Variants in COL23A1 observed in about 807,000 individuals in gnomAD.
COL23A1 encodes collagen alpha-1(XXIII) chain.
In COL23A1, 97 loss-of-function variants were observed where a neutral mutation model predicts 99.3. The observed-to-expected ratio is 0.98, with a 90% CI of 0.83 to 1.16. COL23A1 has a LOEUF of 1.16. Among genes scored for constraint, COL23A1 ranks in the 50% most tolerant of loss-of-function variants. COL23A1 has a pLI of 0.00. For synonymous variants in COL23A1, 320 were observed against 308.2 expected (o/e 1.04, Z -0.40); for missense variants, 762 against 757.4 (o/e 1.01, Z -0.07).
At chr5:178,436,140 A>C (rs1766548784) in intron 2 of COL23A1, among the ~76,000 whole-genome samples, 1 of 152,194 alleles carries the variant, frequency 6.6e-6, no homozygotes, top group Non-Finnish European at 1.5e-5. Flanking sequence ...GAGGGAGGTC[A>C]ACATGAGCAA....
intron 2 of COL23A1, among the ~76,000 whole-genome samples, chr5:178,380,466 C>G (rs1309239423): frequency 6.6e-6 from 1 of 151,310 alleles, no homozygotes; most frequent in African/African-American, 2.4e-5. Context: ...TATTTTCTTT[C>G]TTTTTCTGCT....
At chr5:178,290,489 C>T in intron 3 of COL23A1, 120 bp from the exon 4 acceptor site, 1 of 1,296,982 alleles carries the variant, frequency 7.7e-7, no homozygotes. Context: ...CCCCGGAAGG[C>T]TTTGATGCTG....
At chr5:178,362,851 G>A (rs1047356066) in intron 2 of COL23A1, among the ~76,000 whole-genome samples, 2 of 151,454 alleles carry the variant, frequency 1.3e-5, no homozygotes, top group African/African-American at 2.4e-5. Flanking sequence ...CCAGCAGCCC[G>A]ACCCACCCTA....
chr5:178,483,107 TTTTATG>T (rs1292617069), intron 2 of COL23A1, among the ~76,000 whole-genome samples: 1 of 152,088 alleles, frequency 6.6e-6, no homozygotes, highest in East Asian at 1.9e-4. Flanking sequence ...AAATGTCATA[TTTTATG>T]TTATGTACAT....
chr5:178,451,200 CT>C (rs1302184741), intron 2 of COL23A1, among the ~76,000 whole-genome samples: 3 of 152,150 alleles, frequency 2.0e-5, no homozygotes, highest in Non-Finnish European at 1.5e-5. Flanking sequence ...ACAAAACCCC[CT>C]AGAGGAGAAA....
chr5:178,516,149 C>G (rs1451513297), intron 2 of COL23A1, among the ~76,000 whole-genome samples: 2 of 152,220 alleles, frequency 1.3e-5, no homozygotes, highest in African/African-American at 4.8e-5. Flanking sequence ...ACCACCCTAC[C>G]CCTCTTCCCG....
rs141540849 is a variant in COL23A1, at chr5:178,425,422, AAAATAAATAAATAAATAAAT to A, written c.362-118523_362-118504del. On this transcript the variant is annotated intron_variant, in intron 2 of 28. Transcript: ENST00000390654. Reference sequence around the variant, plus strand: ...GGGCAACAGAGCAAGACTCCATCTCAAAATAAATAAATAAATAAATAAATAAATAAATAAATAAATAAATA... The same window carrying A: ...GGGCAACAGAGCAAGACTCCATCTCAAAATAAATAAATAAATAAATAAATA... Among the ~76,000 whole-genome samples, 587 of 143,006 alleles carry A rather than the reference AAAATAAATAAATAAATAAAT, an allele frequency of 4.1e-3. 1 individual carries two copies. Among genetic ancestry groups the A allele is most frequent in the South Asian group, 0.01 (47 of 4,536 alleles). The allele number at this position is 143,006 out of a possible 152,430, so 93.8% of individuals were successfully genotyped here.
At chr5:178,581,378 C>T (rs910853403) in intron 1 of COL23A1, among the ~76,000 whole-genome samples, 6 of 151,988 alleles carry the variant, frequency 3.9e-5, no homozygotes, top group African/African-American at 1.4e-4. Flanking sequence ...CCATCCTGGC[C>T]AACATGGTGA....
chr5:178,516,154 T>C lies in COL23A1; in HGVS notation c.361+44528A>G, dbSNP rs527436940. ...CCTCATTTCCACCACCCTACCCCTC[T>C]TCCCGTGCTTCAGGGCCTCCCAGCC... is the stretch of plus-strand genomic sequence containing the variant. On this transcript the variant is annotated intron_variant, in intron 2 of 28. Coordinates refer to ENST00000390654, the MANE Select transcript of COL23A1 (RefSeq NM_173465.4). 9.2e-5 allele frequency among the ~76,000 whole-genome samples: 14 copies of C among 152,222 alleles called. 1 individual carries two copies. In the South Asian group the frequency reaches 2.9e-3, roughly 32 times the overall value.
In COL23A1 at chr5:178,366,138, C is replaced by T. The variant is rs771796177; in HGVS notation, c.362-59219G>A. On this transcript the variant is annotated intron_variant, in intron 2 of 28. Coordinates refer to ENST00000390654, the MANE Select transcript of COL23A1 (RefSeq NM_173465.4). This position sits in a 1 kb window ranked among gnomAD's most constrained non-coding sequence, Gnocchi z 4.4. Reference sequence around the variant, plus strand: ...ATCTGTTAAAGCTCCATCTACCCTACGAGGAGGCGAGTCCCCAAGGGCAGG... The same window carrying T: ...ATCTGTTAAAGCTCCATCTACCCTATGAGGAGGCGAGTCCCCAAGGGCAGG... Among the ~76,000 whole-genome samples the T allele has an allele frequency of 4.6e-5, 7 of 152,222 alleles. No individual in the cohort carries two copies. Among genetic ancestry groups the T allele is most frequent in the Non-Finnish European group, 7.3e-5 (5 of 68,038 alleles).
chr5:178,307,327 G>A lies in COL23A1; in HGVS notation c.362-408C>T, dbSNP rs1393865128. Among the ~76,000 whole-genome samples, 1 of 152,210 alleles carries A rather than the reference G, an allele frequency of 6.6e-6. No individual in the cohort carries two copies. The highest frequency in any genetic ancestry group is 2.4e-5 in the African/African-American group (1 of 41,450). ...TCTTAGGAAAGCCCTGACAAACGCT[G>A]CTTCATATTCACTAAAGTAAAACAA... On this transcript the variant is annotated intron_variant, in intron 2 of 28. Coordinates refer to ENST00000390654, the MANE Select transcript of COL23A1 (RefSeq NM_173465.4). The surrounding 1 kb of genome is among the most constrained non-coding windows in gnomAD (Gnocchi z 4.2).
At chr5:178,581,520 C>T (rs919716212) in intron 1 of COL23A1, among the ~76,000 whole-genome samples, 1 of 149,796 alleles carries the variant, frequency 6.7e-6, no homozygotes, top group African/African-American at 2.5e-5. Context: ...GAGCCAAGAT[C>T]ATGCCACTGC....
In COL23A1 at chr5:178,256,758, C is replaced by T; in HGVS notation, c.837+108G>A. ...AGGGAGACCCCTGGGTCAGGCCCTCCTGGGACTTAAAAGGGCAAATGAGAG... is the reference window on the plus strand; with the variant it reads ...AGGGAGACCCCTGGGTCAGGCCCTCTTGGGACTTAAAAGGGCAAATGAGAG... On this transcript the variant is annotated intron_variant, in intron 14 of 28. Coordinates refer to ENST00000390654, the MANE Select transcript of COL23A1 (RefSeq NM_173465.4). 4 of 1,128,366 alleles carry T rather than the reference C, an allele frequency of 3.5e-6. No individual in the cohort carries two copies. The East Asian group carries it at 1.0e-4, about 29-fold the overall frequency. The allele number at this position is 1,128,366 out of a possible 1,614,324, so 69.9% of individuals were successfully genotyped here.
intron 2 of COL23A1, among the ~76,000 whole-genome samples, chr5:178,528,637 C>T (rs1760458899): frequency 6.6e-6 from 1 of 152,224 alleles, no homozygotes; most frequent in Non-Finnish European, 1.5e-5. Flanking sequence ...ATGGAGAAAC[C>T]CCATCTCTAC....
intron 8 of COL23A1, among the ~76,000 whole-genome samples, chr5:178,264,792 G>GATT (rs1554128134): frequency 2.6e-5 from 4 of 152,074 alleles, no homozygotes; most frequent in South Asian, 4.1e-4. Flanking sequence ...GAGTAGGTGG[G>GATT]ATTATTATTA....
At chr5:178,524,889 C>A (rs1287361485) in intron 2 of COL23A1, among the ~76,000 whole-genome samples, 1 of 152,258 alleles carries the variant, frequency 6.6e-6, no homozygotes, top group African/African-American at 2.4e-5. Flanking sequence ...CAACAGCTGT[C>A]TGGGAGCCCA....
intron 5 of COL23A1, among the ~76,000 whole-genome samples, chr5:178,277,906 G>C (rs891215088): frequency 6.6e-6 from 1 of 152,206 alleles, no homozygotes. Context: ...TGACCCCCGT[G>C]GGGTGAGGGA....
At chr5:178,345,579 C>T (rs1400063657) in intron 2 of COL23A1, among the ~76,000 whole-genome samples, 2 of 151,658 alleles carry the variant, frequency 1.3e-5, no homozygotes, top group African/African-American at 4.8e-5. Context: ...TGCAGTGGCG[C>T]GATCTCGACT....
chr5:178,528,535 C>T (rs1301302590), intron 2 of COL23A1, among the ~76,000 whole-genome samples: 1 of 152,258 alleles, frequency 6.6e-6, no homozygotes, highest in East Asian at 1.9e-4. Flanking sequence ...GAGTCAAGGC[C>T]GGGCGCAGTG....
Sources: gnomAD v4.1 joint callset for allele counts (sites outside exome capture counted in the v4.1 genomes callset) on GRCh38, gnomAD v4.1.1 for gene constraint, Gnocchi (gnomAD v3.1) non-coding constraint, MANE v1.5 for transcripts, NCBI Gene and HGNC (gene_info 2026-07-23, HGNC 2026-07-21) for gene names.